MYO1E: variants seen among roughly 807,000 people sequenced by gnomAD.
The protein encoded by MYO1E is unconventional myosin-Ie.
Under a neutral mutation model 151.1 loss-of-function variants are expected in MYO1E, and 68 were observed. The observed-to-expected ratio is 0.45, with a 90% CI of 0.37 to 0.55. The LOEUF is 0.55. Among genes scored for constraint, MYO1E ranks in the 20% least tolerant of loss-of-function variants. The pLI, the probability that MYO1E is intolerant of heterozygous loss-of-function variation, is 0.00. For synonymous variants in MYO1E, 601 were observed against 501.7 expected, an observed-to-expected ratio of 1.20 and a Z score of -2.64; for missense variants, 1,363 against 1,389.3, an observed-to-expected ratio of 0.98 and a Z score of 0.30.
chr15:59,314,582 T>G (rs1376339394), intron 1 of MYO1E, among the ~76,000 whole-genome samples: 2 of 152,102 alleles, frequency 1.3e-5, no homozygotes, highest in African/African-American at 4.8e-5. Context: ...ATTTAGGGAC[T>G]GAGTGGTCAG....
chr15:59,264,941 A>C (rs4774324), intron 2 of MYO1E: 142,405 of 152,256 alleles, frequency 0.94, 67,345 homozygotes, highest in East Asian at 1. Flanking sequence ...GCTTAAGCCA[A>C]GCAGGTCGAG....
intron 27 of MYO1E, 63 bp from the exon 28 acceptor site, chr15:59,137,519 C>T (rs1172869896): frequency 3.1e-6 from 4 of 1,307,888 alleles, no homozygotes; most frequent in East Asian, 4.6e-5. Context: ...CAGCCACACA[C>T]ACTCCGCTCC....
chr15:59,208,430 G>T (rs1217508102), intron 14 of MYO1E: 1 of 584,482 alleles, frequency 1.7e-6, no homozygotes, highest in Non-Finnish European at 3.1e-6. Context: ...TTTCATTCTT[G>T]CTGGTTTATA....
chr15:59,234,593 G>A (rs2080050701), intron 5 of MYO1E, among the ~76,000 whole-genome samples: 1 of 152,150 alleles, frequency 6.6e-6, no homozygotes, highest in African/African-American at 2.4e-5. Flanking sequence ...GCCCAGGTGG[G>A]TGGATCGCTT....
chr15:59,164,918 A>T (rs2079555811), intron 22 of MYO1E, among the ~76,000 whole-genome samples: 1 of 152,212 alleles, frequency 6.6e-6, no homozygotes, highest in Non-Finnish European at 1.5e-5. Context: ...TTAAGTTACA[A>T]GGAAGAGGTC....
At chr15:59,349,272 T>C (rs2080810888) in intron 1 of MYO1E, among the ~76,000 whole-genome samples, 1 of 152,166 alleles carries the variant, frequency 6.6e-6, no homozygotes, top group African/African-American at 2.4e-5. Flanking sequence ...CTCCTATATT[T>C]TTTCTATTTG....
chr15:59,313,402 T>C (rs1183139985), intron 1 of MYO1E, among the ~76,000 whole-genome samples: 9 of 152,206 alleles, frequency 5.9e-5, no homozygotes, highest in Non-Finnish European at 1.3e-4. Context: ...CATGGTTCTA[T>C]GGGACAAGAA....
intron 1 of MYO1E, among the ~76,000 whole-genome samples, chr15:59,280,871 A>G (rs1483677830): frequency 6.6e-6 from 1 of 152,176 alleles, no homozygotes; most frequent in Non-Finnish European, 1.5e-5. Flanking sequence ...GCATTGTACC[A>G]AATACTAATC....
At chr15:59,220,460 A>G (rs2079947529) in intron 9 of MYO1E, among the ~76,000 whole-genome samples, 1 of 152,254 alleles carries the variant, frequency 6.6e-6, no homozygotes, top group South Asian at 2.1e-4. Flanking sequence ...AAACAAAAAC[A>G]AAAAACAAAA....
At chr15:59,234,279 T>A (rs181392374) in intron 5 of MYO1E, among the ~76,000 whole-genome samples, 2 of 151,894 alleles carry the variant, frequency 1.3e-5, no homozygotes, top group Non-Finnish European at 2.9e-5. Context: ...GATGGATGGA[T>A]GCACGGATGG....
At chr15:59,171,223 A>G (rs1279042274) in intron 22 of MYO1E, 1 of 156,452 alleles carries the variant, frequency 6.4e-6, no homozygotes, top group African/African-American at 2.4e-5. Context: ...ACTTCTTAGC[A>G]TGGGAAGACC....
chr15:59,200,935 G>A lies in MYO1E; in HGVS notation c.1698+1391C>T, dbSNP rs560131847. On this transcript the variant is annotated intron_variant, in intron 16 of 27. Transcript: ENST00000288235. Reference sequence around the variant, plus strand: ...CCAGAGCTGAGATTCGAACACAGGCGAGCAAACTCAAAGCCCTGCTGTCAC... The same window carrying A: ...CCAGAGCTGAGATTCGAACACAGGCAAGCAAACTCAAAGCCCTGCTGTCAC... Among the ~76,000 whole-genome samples the A allele has an allele frequency of 9.1e-4, 139 of 152,192 alleles. 1 individual carries two copies. Among genetic ancestry groups the A allele is most frequent in the South Asian group, 3.1e-3 (15 of 4,822 alleles).
intron 1 of MYO1E, among the ~76,000 whole-genome samples, chr15:59,312,601 C>T (rs540614860): frequency 1.1e-3 from 173 of 152,228 alleles, no homozygotes; most frequent in Non-Finnish European, 1.7e-3. Context: ...TGGGCTCAAG[C>T]GATCCTCCTG....
At chr15:59,192,811 A>G (rs1178716089) in intron 17 of MYO1E, among the ~76,000 whole-genome samples, 1 of 152,158 alleles carries the variant, frequency 6.6e-6, no homozygotes, top group Admixed American at 6.5e-5. Context: ...TATTGATTTA[A>G]TATCACTGTT....
chr15:59,147,246 C>A (rs1391604447), intron 26 of MYO1E, among the ~76,000 whole-genome samples: 1 of 152,202 alleles, frequency 6.6e-6, no homozygotes, highest in Non-Finnish European at 1.5e-5. Context: ...CTAGCAATGT[C>A]CATCCTTTCC....
At chr15:59,338,845 CA>C (rs1469243301) in intron 1 of MYO1E, among the ~76,000 whole-genome samples, 1 of 152,196 alleles carries the variant, frequency 6.6e-6, no homozygotes, top group Non-Finnish European at 1.5e-5. Context: ...ATAAATAAAA[CA>C]TCAGGCTGGG....
At chr15:59,220,145 G>GT (rs1472644535) in intron 9 of MYO1E, among the ~76,000 whole-genome samples, 55 of 152,266 alleles carry the variant, frequency 3.6e-4, no homozygotes, top group African/African-American at 1.2e-3. Flanking sequence ...CTAAGGTCAG[G>GT]TAAAAAAAAC....
intron 1 of MYO1E, among the ~76,000 whole-genome samples, chr15:59,352,084 C>CG (rs762565357): frequency 1.3e-5 from 2 of 152,090 alleles, no homozygotes; most frequent in African/African-American, 2.4e-5. Flanking sequence ...AGAGGCACCC[C>CG]GGGTTGATAG....
intron 1 of MYO1E, among the ~76,000 whole-genome samples, chr15:59,297,056 GTT>G (rs2080454346): frequency 8.7e-6 from 1 of 115,188 alleles, no homozygotes; most frequent in Non-Finnish European, 1.9e-5. Context: ...GTTTCACTGT[GTT>G]AGCCAGGATG....
Sources: gnomAD v4.1 joint callset for allele counts (sites outside exome capture counted in the v4.1 genomes callset) on GRCh38, gnomAD v4.1.1 for gene constraint, MANE v1.5 for transcripts, NCBI Gene and HGNC (gene_info 2026-07-23, HGNC 2026-07-21) for gene names.